The following RIGI variants were observed in gnomAD, a reference collection of about 807,000 sequenced individuals.
The protein encoded by RIGI is RNA sensor RIG-I.
the RIGI span, among the ~76,000 whole-genome samples, chr9:32,483,236 C>T: frequency 6.6e-6 from 1 of 152,098 alleles, no homozygotes; most frequent in African/African-American, 2.4e-5. Flanking sequence ...AAATTCTTCC[C>T]CTCACTCATT....
the RIGI span, chr9:32,466,396 T>C: frequency 1.2e-6 from 2 of 1,613,666 alleles, no homozygotes; most frequent in Admixed American, 3.3e-5. Flanking sequence ...TACACCAGCA[T>C]TACTAGTCAG....
At chr9:32,521,997 G>A in the RIGI span, among the ~76,000 whole-genome samples, 1 of 152,166 alleles carries the variant, frequency 6.6e-6, no homozygotes, top group African/African-American at 2.4e-5. Flanking sequence ...TCATGAAAAG[G>A]AGTCTTGAAT....
the RIGI span, among the ~76,000 whole-genome samples, chr9:32,525,672 C>T: frequency 6.6e-6 from 1 of 152,170 alleles, no homozygotes; most frequent in Non-Finnish European, 1.5e-5. Context: ...AATTATCTGC[C>T]CTTTGTGTCC....
At chr9:32,457,205 T>G in the RIGI span, 1 of 1,613,954 alleles carries the variant, frequency 6.2e-7, no homozygotes, top group Non-Finnish European at 8.5e-7. Flanking sequence ...TGAACTCCAG[T>G]TGCAATATCC....
At chr9:32,499,505 G>A in the RIGI span, among the ~76,000 whole-genome samples, 15,048 of 151,872 alleles carry the variant, frequency 0.099, 946 homozygotes, top group Middle Eastern at 0.27. Context: ...GCCCAAGCTG[G>A]AGTGCAATGG....
the RIGI span, among the ~76,000 whole-genome samples, chr9:32,465,231 G>A: frequency 6.6e-6 from 1 of 152,172 alleles, no homozygotes; most frequent in African/African-American, 2.4e-5. Flanking sequence ...TGGAAGAGGT[G>A]GTTCTAGATA....
At chr9:32,470,136 C>T in the RIGI span, among the ~76,000 whole-genome samples, 1 of 152,160 alleles carries the variant, frequency 6.6e-6, no homozygotes, top group Non-Finnish European at 1.5e-5. Flanking sequence ...AAGATACATA[C>T]TTTCTGTTAT....
the RIGI span, among the ~76,000 whole-genome samples, chr9:32,507,023 A>G: frequency 6.6e-6 from 1 of 152,218 alleles, no homozygotes; most frequent in Non-Finnish European, 1.5e-5. Context: ...AGTTACTCAA[A>G]AGGATGCTAT....
At chr9:32,512,419 C>CGA in the RIGI span, among the ~76,000 whole-genome samples, 1 of 152,160 alleles carries the variant, frequency 6.6e-6, no homozygotes, top group Non-Finnish European at 1.5e-5. Context: ...TCAACATATA[C>CGA]AAATCAATAA....
chr9:32,514,663 G>T, the RIGI span, among the ~76,000 whole-genome samples: 1 of 152,100 alleles, frequency 6.6e-6, no homozygotes, highest in Admixed American at 6.5e-5. Flanking sequence ...ACCATGGCAC[G>T]TGTATACCTA....
the RIGI span, chr9:32,459,457 G>A: frequency 1.9e-6 from 3 of 1,613,426 alleles, no homozygotes; most frequent in Non-Finnish European, 1.7e-6. Flanking sequence ...TCAGGTACAG[G>A]TTTTGGTTTT....
chr9:32,473,353 T>C, the RIGI span, among the ~76,000 whole-genome samples: 3 of 146,248 alleles, frequency 2.1e-5, no homozygotes, highest in African/African-American at 7.6e-5. Context: ...AGTGGCACGA[T>C]CTTCGCTCAC....
the RIGI span, among the ~76,000 whole-genome samples, chr9:32,479,836 CAAAAA>C: frequency 9.0e-6 from 1 of 111,652 alleles, no homozygotes; most frequent in Non-Finnish European, 1.8e-5. Context: ...GACTCCATCT[CAAAAA>C]AAAAAAAAAA....
At chr9:32,467,831 T>C in the RIGI span, 2 of 1,613,818 alleles carry the variant, frequency 1.2e-6, no homozygotes, top group South Asian at 1.1e-5. Flanking sequence ...CACTGTGCAA[T>C]GTCAATGCCT....
the RIGI span, among the ~76,000 whole-genome samples, chr9:32,484,097 G>C: frequency 5.9e-4 from 90 of 152,290 alleles, 1 homozygote; most frequent in African/African-American, 2.1e-3. Context: ...TAGGGAAGTA[G>C]TAGAATATAA....
At chr9:32,473,870 A>G in the RIGI span, among the ~76,000 whole-genome samples, 311 of 152,288 alleles carry the variant, frequency 2.0e-3, 2 homozygotes, top group Non-Finnish European at 3.4e-3. Flanking sequence ...TCTACTAAAA[A>G]TACAAAAATT....
At chr9:32,491,314 T>C in the RIGI span, 1 of 1,613,386 alleles carries the variant, frequency 6.2e-7, no homozygotes, top group Non-Finnish European at 8.5e-7. Flanking sequence ...AAGGTGGACA[T>C]GAATTCTCAC....
the RIGI span, chr9:32,485,229 C>T: frequency 1.2e-6 from 2 of 1,608,212 alleles, no homozygotes; most frequent in Admixed American, 1.7e-5. Context: ...ATCAGCTGAG[C>T]TATGATGTAT....
At chr9:32,465,345 T>C in the RIGI span, among the ~76,000 whole-genome samples, 5 of 152,188 alleles carry the variant, frequency 3.3e-5, no homozygotes, top group Non-Finnish European at 4.4e-5. Flanking sequence ...TTTAGATAAT[T>C]GATGGTCAAT....
Sources: gnomAD v4.1 joint callset for allele counts (sites outside exome capture counted in the v4.1 genomes callset) on GRCh38, gnomAD v4.1.1 for gene constraint, MANE v1.5 for transcripts, NCBI Gene and HGNC (gene_info 2026-07-23, HGNC 2026-07-21) for gene names.